The following MMS22L variants were observed in gnomAD, a reference collection of about 807,000 sequenced individuals.
MMS22L encodes MMS22 like, DNA repair protein, also known as protein MMS22-like.
In MMS22L, 74 loss-of-function variants were observed where a neutral mutation model predicts 159.1. That is an observed-to-expected ratio of 0.47 (90% confidence interval 0.39 to 0.56). The LOEUF (loss-of-function observed/expected upper bound fraction) is 0.56, where lower values mean the gene tolerates loss of function less well. Among genes scored for constraint, MMS22L ranks in the 20% least tolerant of loss-of-function variants. The pLI is 0.00. For missense variants in MMS22L, 1,351 were observed against 1,422.1 expected (o/e 0.95, Z 0.80); for synonymous variants, 517 against 506.9 (o/e 1.02, Z -0.27).
At chr6:97,261,595 G>T (rs1372696062) in intron 9 of MMS22L, 1 of 152,118 alleles carries the variant, frequency 6.6e-6, no homozygotes, top group Non-Finnish European at 1.5e-5. Flanking sequence ...TCAATAGTAG[G>T]CCACCAATGG....
chr6:97,238,216 T>A (rs1204493128), intron 11 of MMS22L, among the ~76,000 whole-genome samples: 1 of 152,236 alleles, frequency 6.6e-6, no homozygotes, highest in East Asian at 1.9e-4. Flanking sequence ...TGAAGGTATG[T>A]GCAGTAAGTG....
chr6:97,234,655 G>A (rs1320834657), intron 11 of MMS22L, among the ~76,000 whole-genome samples: 1 of 152,166 alleles, frequency 6.6e-6, no homozygotes, highest in Non-Finnish European at 1.5e-5. Flanking sequence ...TACTGGTAGA[G>A]CTTACATTTT....
Position 97,178,847 on chromosome 6 carries a change from T to A in MMS22L, c.2537-262A>T, listed in dbSNP as rs139918911. Among the ~76,000 whole-genome samples, 1,161 of 152,246 alleles carry A rather than the reference T, an allele frequency of 7.6e-3. 12 individuals carry two copies. The highest frequency in any genetic ancestry group is 0.027 in the African/African-American group (1,107 of 41,560). ...TTAAAATAAATTTGGAGGATTTTTT[T>A]CAGGCCAACCTTCATGAAAATAACA... is the stretch of plus-strand genomic sequence containing the variant. On this transcript the variant is annotated intron_variant, in intron 17 of 24. Transcript: ENST00000683635.
intron 14 of MMS22L, among the ~76,000 whole-genome samples, chr6:97,198,248 T>C (rs562656488): frequency 2.6e-5 from 4 of 152,148 alleles, no homozygotes; most frequent in Non-Finnish European, 5.9e-5. Flanking sequence ...CCAGCCATTC[T>C]AGCTTAGAAA....
rs35001419 is a variant in MMS22L at position 97,238,591 on chromosome 6, G to GTGTGTGTT, written c.1183-4612_1183-4611insAACACACA. On this transcript the variant is annotated intron_variant, in intron 11 of 24. Coordinates refer to ENST00000683635, the MANE Select transcript of MMS22L (RefSeq NM_001350599.2). ...TCATCTCGTGTGTGTGTGTGTGTGTGTGTGTGTGTGTGTTTGAGTGTATCA... is the reference window on the plus strand; with the variant it reads ...TCATCTCGTGTGTGTGTGTGTGTGTGTGTGTGTTTGTGTGTGTGTGTTTGAGTGTATCA... Among the ~76,000 whole-genome samples, 685 of 149,598 alleles carry GTGTGTGTT rather than the reference G, an allele frequency of 4.6e-3. 4 individuals are homozygous for GTGTGTGTT. The highest frequency in any genetic ancestry group is 0.016 in the African/African-American group (633 of 40,580).
chr6:97,192,395 C>T (rs1174969944), intron 14 of MMS22L, among the ~76,000 whole-genome samples: 1 of 152,096 alleles, frequency 6.6e-6, no homozygotes, highest in African/African-American at 2.4e-5. Flanking sequence ...CAGCTTGTGA[C>T]TCTGGAAAAC....
chr6:97,283,574 A>T (rs531220290), upstream of MMS22L: 68 of 152,368 alleles, frequency 4.5e-4, no homozygotes, highest in African/African-American at 1.6e-3. Context: ...GTTAGAATGC[A>T]GATGCCTTTT....
intron 14 of MMS22L, among the ~76,000 whole-genome samples, chr6:97,217,279 C>T (rs1809115528): frequency 6.6e-6 from 1 of 151,972 alleles, no homozygotes; most frequent in South Asian, 2.1e-4. Context: ...GAGTTTCACT[C>T]TTGTTGCTCA....
At chr6:97,150,237 T>G (rs1327077219) in intron 23 of MMS22L, among the ~76,000 whole-genome samples, 1 of 151,874 alleles carries the variant, frequency 6.6e-6, no homozygotes, top group Non-Finnish European at 1.5e-5. Context: ...GAAAGCACTG[T>G]GGGGAGGAGC....
intron 8 of MMS22L, chr6:97,264,686 G>A (rs1407466731): frequency 1.3e-5 from 2 of 151,934 alleles, no homozygotes; most frequent in African/African-American, 4.8e-5. Context: ...ATAAATAAAT[G>A]CAGTAAAGTT....
chr6:97,272,463 T>C, intron 6 of MMS22L: 2 of 407,860 alleles, frequency 4.9e-6, no homozygotes, highest in South Asian at 4.5e-5. Flanking sequence ...TTCATGTATA[T>C]GAATTTATTT....
chr6:97,273,310 G>A (rs1815941193), intron 4 of MMS22L, among the ~76,000 whole-genome samples: 1 of 152,090 alleles, frequency 6.6e-6, no homozygotes, highest in Non-Finnish European at 1.5e-5. Context: ...AGTAGCACTA[G>A]CTACACCTGG....
intron 4 of MMS22L, among the ~76,000 whole-genome samples, chr6:97,273,539 T>C (rs1426863005): frequency 1.3e-5 from 2 of 152,168 alleles, no homozygotes; most frequent in African/African-American, 4.8e-5. Context: ...TACAACCCCA[T>C]CTCTCCTTTG....
chr6:97,257,687 A>G (rs1043028042), intron 9 of MMS22L, among the ~76,000 whole-genome samples: 7 of 152,072 alleles, frequency 4.6e-5, no homozygotes, highest in African/African-American at 1.7e-4. Context: ...TAGGACTCCC[A>G]AAGTGCTGGG....
intron 11 of MMS22L, among the ~76,000 whole-genome samples, chr6:97,240,808 G>A (rs1439335294): frequency 2.0e-5 from 3 of 151,818 alleles, no homozygotes; most frequent in African/African-American, 7.3e-5. Context: ...TGTATTTTTA[G>A]TAGAGACAGA....
At chr6:97,242,690 T>G (rs1303990559) in intron 11 of MMS22L, among the ~76,000 whole-genome samples, 1 of 152,194 alleles carries the variant, frequency 6.6e-6, no homozygotes, top group African/African-American at 2.4e-5. Flanking sequence ...CCTGTGAGAT[T>G]TATGCTTTAA....
intron 19 of MMS22L, among the ~76,000 whole-genome samples, chr6:97,169,465 CAA>C (rs1334034819): frequency 6.6e-6 from 1 of 152,012 alleles, no homozygotes; most frequent in East Asian, 1.9e-4. Context: ...CGATAAAATT[CAA>C]AGTCATTTCC....
At chr6:97,203,859 G>A (rs1244811053) in intron 14 of MMS22L, among the ~76,000 whole-genome samples, 1 of 152,144 alleles carries the variant, frequency 6.6e-6, no homozygotes, top group Non-Finnish European at 1.5e-5. Flanking sequence ...TCTGGAAGGG[G>A]CTAAATTTTC....
At chr6:97,254,868 G>A (rs2128058262) in intron 9 of MMS22L, 135 bp from the exon 10 acceptor site, 1 of 658,972 alleles carries the variant, frequency 1.5e-6, no homozygotes, top group South Asian at 3.0e-5. Context: ...TAATAAAAAT[G>A]CCCAGGTTAA....
Sources: gnomAD v4.1 joint callset for allele counts (sites outside exome capture counted in the v4.1 genomes callset) on GRCh38, gnomAD v4.1.1 for gene constraint, MANE v1.5 for transcripts, NCBI Gene and HGNC (gene_info 2026-07-23, HGNC 2026-07-21) for gene names.